ABCC4: variants seen among roughly 807,000 people sequenced by gnomAD.
The protein encoded by ABCC4 is ATP binding cassette subfamily C member 4 (PEL blood group).
ABCC4 carries 102 observed loss-of-function variants against 168.5 expected under a neutral mutation model. The observed-to-expected ratio is 0.61, with a 90% CI of 0.52 to 0.71. The LOEUF (loss-of-function observed/expected upper bound fraction) is 0.71. ABCC4 is among the 30% of genes least tolerant of loss of function. The pLI is 0.00. For synonymous variants in ABCC4, 617 were observed against 590.7 expected, an observed-to-expected ratio of 1.04 and a Z score of -0.65; for missense variants, 1,402 against 1,605.8, an observed-to-expected ratio of 0.87 and a Z score of 2.17.
At chr13:95,160,895 C>A (rs2037075731) in intron 19 of ABCC4, among the ~76,000 whole-genome samples, 2 of 152,210 alleles carry the variant, frequency 1.3e-5, no homozygotes, top group South Asian at 4.1e-4. Context: ...CAGGATGCTT[C>A]ACTTGCCTCA....
chr13:95,131,844 TG>T (rs2035975937), intron 19 of ABCC4, among the ~76,000 whole-genome samples: 1 of 151,878 alleles, frequency 6.6e-6, no homozygotes, highest in Non-Finnish European at 1.5e-5. Context: ...TGTATATAGT[TG>T]GGGGATCATA....
chr13:95,048,221 G>T (rs1193688450), intron 27 of ABCC4, among the ~76,000 whole-genome samples: 1 of 152,070 alleles, frequency 6.6e-6, no homozygotes. Context: ...ATTTAATAAA[G>T]GTTGTAATTT....
intron 1 of ABCC4, among the ~76,000 whole-genome samples, chr13:95,248,950 G>T (rs979412763): frequency 6.6e-6 from 1 of 152,174 alleles, no homozygotes; most frequent in Non-Finnish European, 1.5e-5. Context: ...TGCGGCACAA[G>T]AATCACTTGA....
chr13:95,229,245 C>A (rs1225768542), intron 4 of ABCC4, among the ~76,000 whole-genome samples: 3 of 152,108 alleles, frequency 2.0e-5, no homozygotes, highest in Non-Finnish European at 4.4e-5. Flanking sequence ...TCTTCTAGGG[C>A]AGATCTGTAA....
At chr13:95,046,466 GA>G (rs1321053182) in intron 27 of ABCC4, among the ~76,000 whole-genome samples, 2 of 152,102 alleles carry the variant, frequency 1.3e-5, no homozygotes, top group Non-Finnish European at 2.9e-5. Flanking sequence ...ATGGTTATGA[GA>G]ATGATATGAA....
At position 95,176,065 on chromosome 13, in the gene ABCC4, T is replaced by C. The variant is rs533912953; in HGVS notation, c.1727+1642A>G. Among the ~76,000 whole-genome samples the C allele has an allele frequency of 1.6e-4, 24 of 151,852 alleles. No individual in the cohort carries two copies. In the South Asian group the frequency reaches 5.0e-3, roughly 32 times the overall value. On this transcript the variant is annotated intron_variant, in intron 13 of 30. Transcript: ENST00000645237. ...CCTACTCTCAGCCACCACAAACCCT[T>C]ACCAGCCTGCAGGACCACAGGCTAC...
At chr13:95,144,052 C>A (rs182015118) in intron 19 of ABCC4, among the ~76,000 whole-genome samples, 4 of 152,244 alleles carry the variant, frequency 2.6e-5, no homozygotes, top group Non-Finnish European at 5.9e-5. Context: ...CAACATTACA[C>A]ACACACATAC....
At chr13:95,100,428 T>C (rs1462258920) in intron 20 of ABCC4, among the ~76,000 whole-genome samples, 1 of 152,186 alleles carries the variant, frequency 6.6e-6, no homozygotes, top group African/African-American at 2.4e-5. Flanking sequence ...TACTGCTTTC[T>C]ACATGTGCTA....
At chr13:95,096,240 A>C in intron 20 of ABCC4, 1 of 595,796 alleles carries the variant, frequency 1.7e-6, no homozygotes, top group Non-Finnish European at 2.9e-6. Flanking sequence ...TAAGAGAAAG[A>C]ATCAATGACC....
intron 8 of ABCC4, among the ~76,000 whole-genome samples, chr13:95,196,603 A>G (rs568547674): frequency 1.5e-4 from 1 of 6,892 alleles, no homozygotes; most frequent in East Asian, 5.8e-3. Context: ...GAAGGAAGGA[A>G]GGAAGGAAGG....
intron 29 of ABCC4, among the ~76,000 whole-genome samples, chr13:95,038,896 G>T (rs2032241570): frequency 6.6e-6 from 1 of 152,124 alleles, no homozygotes; most frequent in South Asian, 2.1e-4. Context: ...TAGGATTCAG[G>T]CTATAGCCTT....
At chr13:95,160,587 CA>C (rs2037065367) in intron 19 of ABCC4, among the ~76,000 whole-genome samples, 1 of 152,204 alleles carries the variant, frequency 6.6e-6, no homozygotes, top group African/African-American at 2.4e-5. Flanking sequence ...AAGTCTACTT[CA>C]AAACCACAGA....
chr13:95,234,740 G>A lies in ABCC4; in HGVS notation c.401C>T (p.Ala134Val), dbSNP rs929768802. The A allele has an allele frequency of 4.3e-6, 7 of 1,613,986 alleles. No individual in the cohort carries two copies. Among genetic ancestry groups the A allele is most frequent in the East Asian group, 4.5e-5 (2 of 44,868 alleles). The change falls in exon 4 of 31, where the codon GCG (alanine) becomes GTG (valine). Residue 134 changes from alanine to valine, a missense_variant. Physicochemically the swap from Ala to Val is moderately conservative, Grantham distance 64. Coordinates refer to ENST00000645237, the MANE Select transcript of ABCC4 (RefSeq NM_005845.5). Reference protein sequence around the residue: ...DPMDSVALNTAYAYATVLTFC... With the variant: ...DPMDSVALNTVYAYATVLTFC... The stretch of plus-strand genomic sequence containing the variant: ...AGTCAGCACCGTGGCATAGGCGTAC[G>A]CTGTGTTCAAAGCCACAGAATCCAT...
At chr13:95,098,895 G>A (rs1053298023) in intron 20 of ABCC4, among the ~76,000 whole-genome samples, 2 of 152,122 alleles carry the variant, frequency 1.3e-5, no homozygotes, top group Non-Finnish European at 2.9e-5. Context: ...CGAGGATGTG[G>A]AGCAACTAGA....
At chr13:95,171,580 AAAAAG>A (rs2037479293) in intron 13 of ABCC4, among the ~76,000 whole-genome samples, 1 of 151,914 alleles carries the variant, frequency 6.6e-6, no homozygotes, top group African/African-American at 2.4e-5. Flanking sequence ...GAGAAAAAAA[AAAAAG>A]AAAAAGAAAA....
chr13:95,191,892 C>G (rs141747066), intron 9 of ABCC4, among the ~76,000 whole-genome samples: 4 of 152,214 alleles, frequency 2.6e-5, no homozygotes, highest in Non-Finnish European at 5.9e-5. Context: ...GTTTCTGCCC[C>G]GCCGGGAGGC....
At chr13:95,226,248 G>A (rs2039463493) in intron 4 of ABCC4, among the ~76,000 whole-genome samples, 1 of 151,730 alleles carries the variant, frequency 6.6e-6, no homozygotes. Flanking sequence ...TGATTCTAAA[G>A]TCAATATGAA....
chr13:95,098,479 G>A (rs1047440320), intron 20 of ABCC4, among the ~76,000 whole-genome samples: 1 of 152,048 alleles, frequency 6.6e-6, no homozygotes, highest in African/African-American at 2.4e-5. Flanking sequence ...AATTATCAGT[G>A]TCGGGAATAA....
intron 1 of ABCC4, among the ~76,000 whole-genome samples, chr13:95,271,249 G>C (rs1036888105): frequency 5.3e-5 from 8 of 152,130 alleles, no homozygotes; most frequent in African/African-American, 1.9e-4. Context: ...TGAATACAGA[G>C]ACAGCTGCCG....
Sources: allele counts gnomAD v4.1 joint callset (sites outside exome capture counted in the v4.1 genomes callset), GRCh38; gene constraint gnomAD v4.1.1; transcripts MANE v1.5; gene names NCBI Gene and HGNC (gene_info 2026-07-23, HGNC 2026-07-21).